The following RPP14 variants were observed in gnomAD, a reference collection of about 807,000 sequenced individuals.
RPP14 encodes the protein ribonuclease P/MRP subunit p14, also known as ribonuclease P protein subunit p14.
In RPP14, 19 loss-of-function variants were observed where a neutral mutation model predicts 17.8. The ratio of observed to expected loss-of-function variants is 1.07; its 90% confidence interval spans 0.74 to 1.57. The LOEUF is 1.57. Ranked by LOEUF, RPP14 falls within the 40% of genes most tolerant of loss-of-function variation. The probability of loss-of-function intolerance (pLI) is 0.00; values close to 1 mark genes in which losing one functional copy is unlikely to be tolerated. For synonymous variants in RPP14, 60 were observed against 56.4 expected, an observed-to-expected ratio of 1.06 and a Z score of -0.29; for missense variants, 125 against 140.8, an observed-to-expected ratio of 0.89 and a Z score of 0.57.
At chr3:58,310,277 T>C in intron 1 of RPP14, 32 bp from the exon 2 acceptor site, 1 of 1,506,748 alleles carries the variant, frequency 6.6e-7, no homozygotes, top group East Asian at 2.3e-5. Flanking sequence ...GCATGTGCAT[T>C]GGTCATTTCT....
chr3:58,313,588 C>T (rs887957864), intron 3 of RPP14, among the ~76,000 whole-genome samples: 1 of 152,114 alleles, frequency 6.6e-6, no homozygotes, highest in Non-Finnish European at 1.5e-5. Context: ...TTTTGAGAGG[C>T]CAAGCGGGTG....
At position 58,318,216 on chromosome 3, in the gene RPP14, C is replaced by G. The variant is rs2107511459; in HGVS notation, c.*720C>G. ...CTTTACCAAAGAATGGTTGATAGGC[C>G]CAGAAGCCCATCTTAGTTAGGGGAA... On this transcript the variant is annotated 3_prime_UTR_variant, in exon 6 of 6. Coordinates refer to ENST00000295959, the MANE Select transcript of RPP14 (RefSeq NM_007042.6). 1 of 589,706 alleles carries G rather than the reference C, an allele frequency of 1.7e-6. No individual in the cohort carries two copies. Among genetic ancestry groups the G allele is most frequent in the East Asian group, 2.8e-5 (1 of 35,790 alleles). 36.5% of individuals were successfully genotyped at this position (589,706 alleles called of 1,614,324 possible).
In RPP14 at chr3:58,319,788, T is replaced by C. The variant is rs1317257042; in HGVS notation, c.*2292T>C. ...CATCCCAACACAGCCAACACTTTTG[T>C]TTCCCATTTTTTTTTGTTTCCCGTT... On this transcript the variant is annotated 3_prime_UTR_variant, in exon 6 of 6. Coordinates refer to ENST00000295959, the MANE Select transcript of RPP14 (RefSeq NM_007042.6). The C allele has an allele frequency of 1.3e-5, 2 of 152,122 alleles. No individual in the cohort carries two copies. Among genetic ancestry groups the C allele is most frequent in the Non-Finnish European group, 2.9e-5 (2 of 68,026 alleles). 9.4% of individuals were successfully genotyped at this position (152,122 alleles called of 1,614,324 possible). A position where few individuals can be genotyped will look rare whatever the true frequency, so the allele number is the denominator to read the frequency against.
intron 3 of RPP14, among the ~76,000 whole-genome samples, chr3:58,315,266 A>C (rs929660143): frequency 4.6e-5 from 7 of 152,154 alleles, no homozygotes; most frequent in African/African-American, 1.7e-4. Context: ...AATTATGCTG[A>C]GCGAAAAAAA....
chr3:58,309,472 T>A (rs1017008942), intron 1 of RPP14, among the ~76,000 whole-genome samples: 1 of 152,246 alleles, frequency 6.6e-6, no homozygotes, highest in African/African-American at 2.4e-5. Flanking sequence ...CAAAATTATG[T>A]TGTTATGTTT....
chr3:58,312,624 T>G (rs967829141), intron 3 of RPP14, among the ~76,000 whole-genome samples: 1 of 152,050 alleles, frequency 6.6e-6, no homozygotes, highest in Admixed American at 6.6e-5. Flanking sequence ...TTTCCCATCT[T>G]GAAGAGATAA....
chr3:58,316,486 G>A (rs1575548034), intron 3 of RPP14, 29 bp from the exon 4 acceptor site: 1 of 1,585,658 alleles, frequency 6.3e-7, no homozygotes, highest in East Asian at 2.2e-5. Context: ...GGTGAGAATA[G>A]CCTGCTAATA....
In RPP14 at chr3:58,318,248, A is replaced by C. The variant is rs73835153; in HGVS notation, c.*752A>C. On this transcript the variant is annotated 3_prime_UTR_variant, in exon 6 of 6. Coordinates refer to ENST00000295959, the MANE Select transcript of RPP14 (RefSeq NM_007042.6). ...CCCATCTTAGTTAGGGGAAGGGAGC[A>C]GGAAGAGGGTTGTTCAAATGCCCAC... 5.2e-6 allele frequency: 3 copies of C among 577,350 alleles called. No individual in the cohort carries two copies. The Admixed American group carries it at 1.0e-4, about 20-fold the overall frequency. The allele number at this position is 577,350 out of a possible 1,614,324, so 35.8% of individuals were successfully genotyped here. A position where few individuals can be genotyped will look rare whatever the true frequency, so the allele number is the denominator to read the frequency against.
At chr3:58,312,486 T>C (rs1302859895) in intron 3 of RPP14, among the ~76,000 whole-genome samples, 1 of 152,106 alleles carries the variant, frequency 6.6e-6, no homozygotes, top group South Asian at 2.1e-4. Flanking sequence ...AAGTAAACTT[T>C]CAGAAGTGAT....
chr3:58,312,079 C>T (rs1036555386), intron 3 of RPP14, among the ~76,000 whole-genome samples: 1 of 151,588 alleles, frequency 6.6e-6, no homozygotes, highest in African/African-American at 2.4e-5. Context: ...TGCCCAGGCT[C>T]CTGGACTCAA....
chr3:58,311,932 G>C (rs1353203124), intron 3 of RPP14, among the ~76,000 whole-genome samples: 1 of 152,168 alleles, frequency 6.6e-6, no homozygotes, highest in Non-Finnish European at 1.5e-5. Flanking sequence ...GAGTGCAGTG[G>C]CATGGTCATG....
rs916210139 is a variant in RPP14 at position 58,318,126 on chromosome 3, A to T, written c.*630A>T. On this transcript the variant is annotated 3_prime_UTR_variant, in exon 6 of 6. Coordinates refer to ENST00000295959, the MANE Select transcript of RPP14 (RefSeq NM_007042.6). ...CAGAAGCTTCCAAATCCTGAAATAG[A>T]TGTTTTAAAGATGCAACCTCAAACA... 3 of 632,518 alleles carry T rather than the reference A, an allele frequency of 4.7e-6. No homozygotes were observed. Among genetic ancestry groups the T allele is most frequent in the African/African-American group, 3.7e-5 (2 of 54,370 alleles). 39.2% of individuals were successfully genotyped at this position (632,518 alleles called of 1,614,324 possible). A position where few individuals can be genotyped will look rare whatever the true frequency, so the allele number is the denominator to read the frequency against.
chr3:58,316,193 T>C (rs1035724361), intron 3 of RPP14, among the ~76,000 whole-genome samples: 7 of 152,168 alleles, frequency 4.6e-5, no homozygotes, highest in Admixed American at 2.0e-4. Context: ...GTGACAAGAA[T>C]AAAGGGAATT....
Position 58,318,285 on chromosome 3 carries a change from G to A in RPP14, c.*789G>A, listed in dbSNP as rs568715872. 2.6e-4 allele frequency: 142 copies of A among 546,282 alleles called. No homozygotes were observed. The highest frequency in any genetic ancestry group is 4.0e-4 in the Non-Finnish European group (126 of 312,824). 33.8% of individuals were successfully genotyped at this position (546,282 alleles called of 1,614,324 possible). ...GTTCAAATGCCCACTTTCCAGTTTG[G>A]CCTTATGCTTCATGCAGACTTGAGT... is the stretch of plus-strand genomic sequence containing the variant. On this transcript the variant is annotated 3_prime_UTR_variant, in exon 6 of 6. Coordinates refer to ENST00000295959, the MANE Select transcript of RPP14 (RefSeq NM_007042.6).
At chr3:58,315,799 C>G (rs2097487665) in intron 3 of RPP14, 1 of 152,396 alleles carries the variant, frequency 6.6e-6, no homozygotes, top group South Asian at 2.1e-4. Flanking sequence ...GCCTCAGCCT[C>G]GCAAGTAGCT....
At chr3:58,307,838 C>T (rs1463941787) in intron 1 of RPP14, 5 of 151,658 alleles carry the variant, frequency 3.3e-5, no homozygotes, top group South Asian at 4.2e-4. Context: ...GAACAGCCTG[C>T]AGAGGGCAGT....
At chr3:58,310,189 A>G in intron 1 of RPP14, 120 bp from the exon 2 acceptor site, 1 of 692,328 alleles carries the variant, frequency 1.4e-6, no homozygotes, top group South Asian at 1.8e-5. Context: ...CCTAGGTGAC[A>G]GGGTGAGACC....
At chr3:58,309,405 C>T (rs2097479603) in intron 1 of RPP14, among the ~76,000 whole-genome samples, 2 of 152,104 alleles carry the variant, frequency 1.3e-5, no homozygotes, top group South Asian at 2.1e-4. Context: ...TGAAGACAAG[C>T]TAAGGCATGT....
rs1412696855 is a variant in RPP14, at chr3:58,306,329, T to C, written c.-110T>C. 3.3e-5 allele frequency: 5 copies of C among 152,418 alleles called. No homozygotes were observed. In the South Asian group the frequency reaches 6.2e-4, roughly 19 times the overall value. 9.4% of individuals were successfully genotyped at this position (152,418 alleles called of 1,614,324 possible). On this transcript the variant is annotated 5_prime_UTR_variant, in exon 1 of 6. Coordinates refer to ENST00000295959, the MANE Select transcript of RPP14 (RefSeq NM_007042.6). The stretch of plus-strand genomic sequence containing the variant: ...ACCAGGAGTTTCTCGGGCCCAGCTG[T>C]GGCTGCTGCCGGGGAGCCCCAAGCC...
Sources: allele counts gnomAD v4.1 joint callset (sites outside exome capture counted in the v4.1 genomes callset), GRCh38; gene constraint gnomAD v4.1.1; transcripts MANE v1.5; gene names NCBI Gene and HGNC (gene_info 2026-07-23, HGNC 2026-07-21).